Variants in VPS41 observed in about 807,000 individuals in gnomAD.
The protein encoded by VPS41 is VPS41 subunit of HOPS complex, also known as vacuolar protein sorting-associated protein 41 homolog.
In VPS41, 85 loss-of-function variants were observed where a neutral mutation model predicts 130.9. The observed-to-expected ratio is 0.65, with a 90% CI of 0.55 to 0.78. The LOEUF is 0.78. Among genes scored for constraint, VPS41 ranks in the 30% least tolerant of loss-of-function variants. The pLI is 0.00. For missense variants in VPS41, 874 were observed against 1,018.7 expected (o/e 0.86, Z 1.93); for synonymous variants, 335 against 332.9 (o/e 1.01, Z -0.07).
chr7:38,859,220 T>A (rs1786049900), intron 4 of VPS41, among the ~76,000 whole-genome samples: 1 of 152,166 alleles, frequency 6.6e-6, no homozygotes, highest in South Asian at 2.1e-4. Context: ...TATTATAAAG[T>A]CAAAAGTTTT....
intron 2 of VPS41, among the ~76,000 whole-genome samples, chr7:38,897,480 C>G (rs2116437900): frequency 6.6e-6 from 1 of 151,652 alleles, no homozygotes; most frequent in South Asian, 2.1e-4. Context: ...CCTGCCTCTA[C>G]TAAAAATACA....
At chr7:38,905,027 TAAAA>T (rs1787227017) in intron 1 of VPS41, among the ~76,000 whole-genome samples, 2 of 152,104 alleles carry the variant, frequency 1.3e-5, no homozygotes, top group African/African-American at 2.4e-5. Flanking sequence ...ATTAATAACT[TAAAA>T]AAGGTGCAAG....
intron 1 of VPS41, among the ~76,000 whole-genome samples, chr7:38,902,882 C>G (rs1284199399): frequency 6.6e-6 from 1 of 152,150 alleles, no homozygotes; most frequent in African/African-American, 2.4e-5. Context: ...TCAGCTAGCA[C>G]CTAATATTAA....
chr7:38,765,175 A>T (rs1179416012), intron 16 of VPS41, among the ~76,000 whole-genome samples: 2 of 152,220 alleles, frequency 1.3e-5, no homozygotes, highest in Admixed American at 6.5e-5. Flanking sequence ...CATTAGAGCT[A>T]GGTGGTCAAT....
chr7:38,752,414 T>A, intron 21 of VPS41, 101 bp from the exon 22 acceptor site: 1 of 1,420,652 alleles, frequency 7.0e-7, no homozygotes, highest in Non-Finnish European at 9.6e-7. Flanking sequence ...ATGGACAGGT[T>A]GGGGGAGAAG....
At chr7:38,813,381 G>C (rs185944075) in intron 7 of VPS41, among the ~76,000 whole-genome samples, 1 of 152,124 alleles carries the variant, frequency 6.6e-6, no homozygotes, top group Non-Finnish European at 1.5e-5. Context: ...GGAAGATGGG[G>C]AGTGACTGCT....
intron 2 of VPS41, among the ~76,000 whole-genome samples, chr7:38,886,865 T>C (rs1486511832): frequency 1.3e-5 from 2 of 152,188 alleles, no homozygotes; most frequent in African/African-American, 2.4e-5. Context: ...CAGCCTCTGC[T>C]GGTGACACCT....
intron 10 of VPS41, among the ~76,000 whole-genome samples, chr7:38,777,627 T>C (rs1441896503): frequency 6.6e-6 from 1 of 152,220 alleles, no homozygotes; most frequent in Non-Finnish European, 1.5e-5. Flanking sequence ...GAAATCATAC[T>C]CTACACTTCA....
intron 2 of VPS41, among the ~76,000 whole-genome samples, chr7:38,884,083 A>G (rs976434397): frequency 2.0e-5 from 3 of 152,246 alleles, no homozygotes; most frequent in African/African-American, 7.2e-5. Context: ...GTTTATTAAA[A>G]TTAATACATG....
At chr7:38,831,172 T>G (rs1157219341) in intron 4 of VPS41, 1 of 469,658 alleles carries the variant, frequency 2.1e-6, no homozygotes, top group Non-Finnish European at 4.4e-6. Context: ...ACTACATTTT[T>G]TTAAATATCG....
At chr7:38,790,276 T>C (rs911632463) in intron 9 of VPS41, among the ~76,000 whole-genome samples, 1 of 144,748 alleles carries the variant, frequency 6.9e-6, no homozygotes, top group Non-Finnish European at 1.5e-5. Context: ...GCATTAGTCA[T>C]TGTTCCAGCA....
chr7:38,841,567 C>T (rs968524981), intron 4 of VPS41, among the ~76,000 whole-genome samples: 3 of 152,158 alleles, frequency 2.0e-5, no homozygotes, highest in Admixed American at 6.5e-5. Flanking sequence ...GCTTCCATTA[C>T]ACCCACTTCT....
intron 14 of VPS41, among the ~76,000 whole-genome samples, chr7:38,770,659 C>T (rs986764812): frequency 7.9e-5 from 12 of 152,116 alleles, no homozygotes; most frequent in African/African-American, 2.9e-4. Context: ...CTCCAAGGAC[C>T]CTTCACATGT....
At chr7:38,774,867 A>G (rs1297801530) in intron 11 of VPS41, among the ~76,000 whole-genome samples, 1 of 152,124 alleles carries the variant, frequency 6.6e-6, no homozygotes, top group Non-Finnish European at 1.5e-5. Context: ...GAATGAAAGA[A>G]AAGTAAAATA....
chr7:38,762,145 A>G (rs1378072351), intron 17 of VPS41, among the ~76,000 whole-genome samples: 1 of 152,140 alleles, frequency 6.6e-6, no homozygotes, highest in African/African-American at 2.4e-5. Flanking sequence ...CATCTATCAT[A>G]TTTCATGTTA....
chr7:38,744,026 C>T (rs1468207298), intron 23 of VPS41, among the ~76,000 whole-genome samples: 1 of 152,172 alleles, frequency 6.6e-6, no homozygotes, highest in Non-Finnish European at 1.5e-5. Flanking sequence ...CATGAGGTAG[C>T]TGTGCATACT....
chr7:38,736,436 C>T (rs1335591860), intron 25 of VPS41, among the ~76,000 whole-genome samples: 3 of 152,226 alleles, frequency 2.0e-5, no homozygotes, highest in Admixed American at 6.5e-5. Context: ...AGCTGAAGTG[C>T]CTTACCAAAG....
At chr7:38,794,449 A>C (rs1784584990) in intron 9 of VPS41, among the ~76,000 whole-genome samples, 1 of 152,240 alleles carries the variant, frequency 6.6e-6, no homozygotes, top group African/African-American at 2.4e-5. Flanking sequence ...TTTCCAGAGA[A>C]GAGTACATTT....
Position 38,763,528 on chromosome 7 carries a change from G to A in VPS41, c.1349C>T (p.Pro450Leu). The change falls in exon 17 of 29, where the codon CCA (proline) becomes CTA (leucine). Residue 450 changes from proline (P) to leucine (L), a missense_variant. Physicochemically the swap from Pro to Leu is moderately conservative, Grantham distance 98. Transcript: ENST00000310301. The part of the protein sequence containing the change: ...GQLKAISPYL[P>L]RGDPVLKPLI... ...TGGTTTCAGAACTGGATCACCTCTT[G>A]GCAAATAAGGACTAATAGCCTAGGT... The A allele has an allele frequency of 1.2e-6, 2 of 1,604,946 alleles. No individual in the cohort carries two copies. Among genetic ancestry groups the A allele is most frequent in the South Asian group, 1.1e-5 (1 of 89,292 alleles).
Sources: gnomAD v4.1 joint callset for allele counts (sites outside exome capture counted in the v4.1 genomes callset) on GRCh38, gnomAD v4.1.1 for gene constraint, MANE v1.5 for transcripts, NCBI Gene and HGNC (gene_info 2026-07-23, HGNC 2026-07-21) for gene names.